The following MSRA variants were observed in gnomAD, a reference collection of about 807,000 sequenced individuals.
The protein encoded by MSRA is methionine sulfoxide reductase A, also known as mitochondrial peptide methionine sulfoxide reductase.
Under a neutral mutation model 31.3 loss-of-function variants are expected in MSRA, and 54 were observed. That is an observed-to-expected ratio of 1.73 (90% CI 1.39 to 2.17). MSRA has a LOEUF of 2.17. Among genes scored for constraint, MSRA ranks in the 30% most tolerant of loss-of-function variants. MSRA has a pLI of 0.00. For missense variants in MSRA, 507 were observed against 300.9 expected, an observed-to-expected ratio of 1.69 and a Z score of -5.07; for synonymous variants, 169 against 116.5, an observed-to-expected ratio of 1.45 and a Z score of -2.90.
chr8:10,359,906 G>T (rs1032792300), intron 5 of MSRA, among the ~76,000 whole-genome samples: 9 of 152,190 alleles, frequency 5.9e-5, no homozygotes, highest in African/African-American at 2.2e-4. Context: ...GCATCCCACA[G>T]TGTTAAAACT....
At chr8:10,079,121 C>A (rs1422545173) in intron 1 of MSRA, among the ~76,000 whole-genome samples, 4 of 152,082 alleles carry the variant, frequency 2.6e-5, no homozygotes, top group Non-Finnish European at 5.9e-5. Flanking sequence ...TGTCAAGAAC[C>A]AGGTGAGAGA....
intron 3 of MSRA, chr8:10,250,458 A>AAAAT (rs1563269221): frequency 1.4e-6 from 1 of 702,528 alleles, no homozygotes; most frequent in East Asian, 2.7e-5. Context: ...TAGTCTATTC[A>AAAAT]AAAGCTTTTA....
intron 5 of MSRA, among the ~76,000 whole-genome samples, chr8:10,327,999 G>A (rs1406236729): frequency 7.2e-6 from 1 of 139,674 alleles, no homozygotes; most frequent in South Asian, 2.3e-4. Flanking sequence ...CTTTTCTTTA[G>A]CATAGTTTGA....
intron 5 of MSRA, among the ~76,000 whole-genome samples, chr8:10,418,991 G>A (rs931679108): frequency 6.6e-6 from 1 of 151,790 alleles, no homozygotes; most frequent in African/African-American, 2.4e-5. Context: ...ATGTCTATAG[G>A]TCAGTCCTAC....
At chr8:10,297,611 T>C (rs1313920362) in intron 3 of MSRA, among the ~76,000 whole-genome samples, 1 of 152,198 alleles carries the variant, frequency 6.6e-6, no homozygotes, top group African/African-American at 2.4e-5. Context: ...CTTTTGATCA[T>C]TTGCACTGTG....
chr8:10,333,601 T>C (rs1271834244), intron 5 of MSRA, among the ~76,000 whole-genome samples: 1 of 152,192 alleles, frequency 6.6e-6, no homozygotes, highest in Non-Finnish European at 1.5e-5. Context: ...TAGTGGCTAC[T>C]TCTTAGGCAG....
At chr8:10,103,712 T>A (rs186321991) in intron 1 of MSRA, among the ~76,000 whole-genome samples, 45 of 152,190 alleles carry the variant, frequency 3.0e-4, no homozygotes, top group African/African-American at 1.1e-3. Flanking sequence ...TATATATATA[T>A]ATTTAAAATG....
At chr8:10,098,799 T>G (rs1015340172) in intron 1 of MSRA, among the ~76,000 whole-genome samples, 3 of 152,198 alleles carry the variant, frequency 2.0e-5, no homozygotes, top group African/African-American at 7.2e-5. Context: ...AATAAGCAAT[T>G]CAAATCAGGG....
intron 5 of MSRA, among the ~76,000 whole-genome samples, chr8:10,340,254 C>T (rs1327408297): frequency 1.3e-5 from 2 of 151,884 alleles, no homozygotes; most frequent in South Asian, 2.1e-4. Context: ...CCCAGGTGTC[C>T]GTGCTTTTAT....
chr8:10,366,348 C>G, intron 5 of MSRA, among the ~76,000 whole-genome samples: 1 of 152,298 alleles, frequency 6.6e-6, no homozygotes, highest in Middle Eastern at 3.4e-3. Flanking sequence ...CAGGCAAGCC[C>G]GTGTGAGCTC....
chr8:10,101,298 G>C (rs748205354), intron 1 of MSRA, among the ~76,000 whole-genome samples: 4 of 152,036 alleles, frequency 2.6e-5, no homozygotes, highest in Non-Finnish European at 5.9e-5. Flanking sequence ...ATAGTGTCTG[G>C]TATGTAGTAA....
intron 1 of MSRA, among the ~76,000 whole-genome samples, chr8:10,118,305 T>C (rs1306453593): frequency 1.3e-5 from 2 of 152,148 alleles, no homozygotes; most frequent in Non-Finnish European, 2.9e-5. Flanking sequence ...ATAGGCTGAG[T>C]GTTAGCTGCG....
chr8:10,366,577 T>C (rs1217690031), intron 5 of MSRA, among the ~76,000 whole-genome samples: 2 of 152,234 alleles, frequency 1.3e-5, no homozygotes, highest in Non-Finnish European at 2.9e-5. Context: ...GTTTGGTTTT[T>C]GGCCAGAGAG....
chr8:10,270,752 C>G (rs1798991462), intron 3 of MSRA, among the ~76,000 whole-genome samples: 1 of 152,232 alleles, frequency 6.6e-6, no homozygotes, highest in Admixed American at 6.5e-5. Flanking sequence ...TCATTCACAT[C>G]AGACCCTATG....
chr8:10,189,866 C>CT (rs1807362661), intron 1 of MSRA, among the ~76,000 whole-genome samples: 1 of 152,056 alleles, frequency 6.6e-6, no homozygotes, highest in African/African-American at 2.4e-5. Flanking sequence ...CCCCCTTCCT[C>CT]TTTTTTCAAG....
chr8:10,428,199 C>A lies in MSRA; in HGVS notation c.595C>A (p.Gln199Lys), dbSNP rs759861319. ...GPITTDIREG[Q>K]TFYYAEDYHQ... ...CATCACTACCGACATCCGGGAGGGA[C>A]AGACTTTCTACTATGCGGAAGACTA... Residue 199 changes from glutamine to lysine, a missense_variant, in exon 6 of 6, where the codon CAG becomes AAG. Gln to Lys is a moderately conservative substitution (Grantham distance 53). Coordinates refer to ENST00000317173, the MANE Select transcript of MSRA (RefSeq NM_012331.5). 2 of 1,614,064 alleles carry A rather than the reference C, an allele frequency of 1.2e-6. No homozygotes were observed. The highest frequency in any genetic ancestry group is 2.7e-5 in the African/African-American group (2 of 74,916).
chr8:10,062,193 C>A (rs754143493), intron 1 of MSRA, among the ~76,000 whole-genome samples: 5 of 152,218 alleles, frequency 3.3e-5, no homozygotes, highest in Admixed American at 6.5e-5. Flanking sequence ...ATCAATCATC[C>A]GTTCCTCCTT....
At chr8:10,059,362 A>C (rs1385227119) in intron 1 of MSRA, among the ~76,000 whole-genome samples, 1 of 152,230 alleles carries the variant, frequency 6.6e-6, no homozygotes, top group Non-Finnish European at 1.5e-5. Context: ...CACCACTTAT[A>C]GATGTGGAAA....
chr8:10,067,256 A>G (rs1214958424), intron 1 of MSRA, among the ~76,000 whole-genome samples: 1 of 152,154 alleles, frequency 6.6e-6, no homozygotes, highest in Non-Finnish European at 1.5e-5. Flanking sequence ...AGAATGTCAT[A>G]TATTTGGAAT....
Sources: allele counts gnomAD v4.1 joint callset (sites outside exome capture counted in the v4.1 genomes callset), GRCh38; gene constraint gnomAD v4.1.1; transcripts MANE v1.5; gene names NCBI Gene and HGNC (gene_info 2026-07-23, HGNC 2026-07-21).